The following SLC39A4 variants were observed in gnomAD, a reference collection of about 807,000 sequenced individuals.
SLC39A4 encodes zinc transporter ZIP4.
SLC39A4 carries 49 observed loss-of-function variants against 56.6 expected under a neutral mutation model. The ratio of observed to expected loss-of-function variants is 0.87; its 90% CI spans 0.69 to 1.10. The LOEUF is 1.10. Ranked by LOEUF, SLC39A4 falls within the 50% of genes least tolerant of loss-of-function variation. The pLI is 0.00. For missense variants in SLC39A4, 993 were observed against 864.2 expected, an observed-to-expected ratio of 1.15 and a Z score of -1.87; for synonymous variants, 540 against 420.4, an observed-to-expected ratio of 1.28 and a Z score of -3.48.
At position 144,414,425 on chromosome 8, in the gene SLC39A4, T is replaced by C. The variant is rs781937891; in HGVS notation, c.986A>G (p.Tyr329Cys). ...DQLSQSERYL[Y>C]GSLATLLICL... ...GATGAGCAGCGTGGCCAGGGAGCCG[T>C]ACAGATACCCTGGGGGCGGGTGAGG... The change falls in exon 6 of 12, where the codon TAC becomes TGC. Residue 329 changes from tyrosine to cysteine, a missense_variant. By Grantham distance (194) the Tyr-to-Cys change is radical. Transcript: ENST00000301305. 10 of 1,557,796 alleles carry C rather than the reference T, an allele frequency of 6.4e-6. No individual in the cohort carries two copies. The East Asian group carries it at 9.5e-5, about 15-fold the overall frequency.
chr8:144,415,182 G>A, intron 3 of SLC39A4, 45 bp downstream of exon 3: 1 of 1,612,650 alleles, frequency 6.2e-7, no homozygotes, highest in Non-Finnish European at 8.5e-7. Flanking sequence ...CGTGGAGGCT[G>A]GGGACTCGGG....
intron 5 of SLC39A4, 79 bp from the exon 6 acceptor site, chr8:144,414,513 G>C (rs1822081203): frequency 6.5e-7 from 1 of 1,542,574 alleles, no homozygotes; most frequent in South Asian, 1.2e-5. Flanking sequence ...CACCAGAGCT[G>C]CAGGCCGTCA....
intron 10 of SLC39A4, 62 bp from the exon 11 acceptor site, chr8:144,413,008 T>C: frequency 6.5e-7 from 1 of 1,529,230 alleles, no homozygotes; most frequent in Admixed American, 2.0e-5. Flanking sequence ...CCACCTCCTT[T>C]CGGTCCCGCC....
chr8:144,413,647 G>A, intron 8 of SLC39A4, 80 bp from the exon 9 acceptor site: 2 of 1,545,436 alleles, frequency 1.3e-6, no homozygotes, highest in South Asian at 2.4e-5. Context: ...AGATCACCGC[G>A]GGAGGCGGAG....
Position 144,413,806 on chromosome 8 carries a change from C to T in SLC39A4, c.1363G>A (p.Ala455Thr). Residue 455 changes from alanine to threonine, a missense_variant, in exon 8 of 12, where the codon GCA becomes ACA. Physicochemically the swap from Ala to Thr is moderately conservative, Grantham distance 58. Transcript: ENST00000301305. ...GHSHGVSLQLAPSELRQPKPP... is the reference protein window; with the variant it reads ...GHSHGVSLQLTPSELRQPKPP... Reference sequence around the variant, plus strand: ...TTGGGCTGCCGGAGCTCGCTGGGTGCCAGCTGCAGGGACACACCGTGGCTG... The same window carrying T: ...TTGGGCTGCCGGAGCTCGCTGGGTGTCAGCTGCAGGGACACACCGTGGCTG... The T allele has an allele frequency of 6.4e-7, 1 of 1,569,638 alleles. No individual in the cohort carries two copies.
chr8:144,414,445 G>A lies in SLC39A4; in HGVS notation c.977-11C>T. ...AGCCGTACAGATACCCTGGGGGCGG[G>A]TGAGGCGGCTGTGAGAGCTTTTCTT... On this transcript the variant is annotated splice_polypyrimidine_tract_variant and intron_variant, in intron 5 of 11. Coordinates refer to ENST00000301305, the MANE Select transcript of SLC39A4 (RefSeq NM_130849.4). 1 of 1,551,792 alleles carries A rather than the reference G, an allele frequency of 6.4e-7. No individual in the cohort carries two copies. Among genetic ancestry groups the A allele is most frequent in the Admixed American group, 2.0e-5 (1 of 51,030 alleles).
Position 144,415,849 on chromosome 8 carries a change from C to G in SLC39A4, c.435G>C (p.Gln145His), listed in dbSNP as rs782216965. The change falls in exon 2 of 12, where the codon CAG (glutamine) becomes CAC (histidine). Residue 145 changes from glutamine to histidine, a missense_variant. By Grantham distance (24) the Gln-to-His change is conservative. Transcript: ENST00000301305. ...ALTPGLSWLL[Q>H]RMQARAAGQT... ...GGCCGGCAGCCCGGGCCTGCATCCTCTGCAGCAGCCAGCTCAGGCCCGGGG... is the reference window on the plus strand; with the variant it reads ...GGCCGGCAGCCCGGGCCTGCATCCTGTGCAGCAGCCAGCTCAGGCCCGGGG... 64 of 1,597,756 alleles carry G rather than the reference C, an allele frequency of 4.0e-5. 1 individual carries two copies. In the East Asian group the frequency reaches 9.0e-4, roughly 22 times the overall value.
In SLC39A4 at chr8:144,415,795, T is replaced by C. The variant is rs1268574205; in HGVS notation, c.474+15A>G. The stretch of plus-strand genomic sequence containing the variant: ...TCCTCACCCACTCCCCTGGTCTGCC[T>C]GGACTCTCCCTCACCATCTTGGGGG... On this transcript the variant is annotated intron_variant, in intron 2 of 11. Transcript: ENST00000301305. 3.1e-6 allele frequency: 5 copies of C among 1,590,552 alleles called. No homozygotes were observed. The highest frequency in any genetic ancestry group is 4.3e-6 in the Non-Finnish European group (5 of 1,174,406).
chr8:144,412,925 T>G lies in SLC39A4; in HGVS notation c.1649A>C (p.His550Pro). Residue 550 changes from histidine (H) to proline (P), a missense_variant, in exon 11 of 12, where the codon CAC (histidine) becomes CCC (proline). Physicochemically the swap from His to Pro is moderately conservative, Grantham distance 77. Coordinates refer to ENST00000301305, the MANE Select transcript of SLC39A4 (RefSeq NM_130849.4). ...TGCTTGGCGCACGGACAGCCCCGCG[T>G]GCAGCAAGGCGGCGAAGTCCCCTGC... ...HELGDFAALL[H>P]AGLSVRQALL... The G allele has an allele frequency of 6.2e-7, 1 of 1,605,638 alleles. No individual in the cohort carries two copies. Among genetic ancestry groups the G allele is most frequent in the Admixed American group, 1.7e-5 (1 of 59,704 alleles).
At chr8:144,415,732 C>G (rs1822151955) in intron 2 of SLC39A4, 78 bp downstream of exon 2, 5 of 1,468,828 alleles carry the variant, frequency 3.4e-6, no homozygotes, top group Non-Finnish European at 4.5e-6. Flanking sequence ...TCCCCGAAGG[C>G]TTTGCAGCCA....
At chr8:144,415,600 G>C (rs916824644) in intron 2 of SLC39A4, among the ~76,000 whole-genome samples, 181 bp from the exon 3 acceptor site, 7 of 152,148 alleles carry the variant, frequency 4.6e-5, no homozygotes, top group Non-Finnish European at 8.8e-5. Context: ...AGGCCTCTGG[G>C]TTCCTCCCTC....
chr8:144,412,451 GGGCCT>G lies in SLC39A4; in HGVS notation c.*82_*86del. On this transcript the variant is annotated 3_prime_UTR_variant, in exon 12 of 12. Coordinates refer to ENST00000301305, the MANE Select transcript of SLC39A4 (RefSeq NM_130849.4). ...AGTGTCTTTACTGGAGTTGGGACTG[GGGCCT>G]CTATAGGGGCTTCTGGTTTCTGGGC... 1 of 1,604,850 alleles carries G rather than the reference GGGCCT, an allele frequency of 6.2e-7. No individual in the cohort carries two copies. Among genetic ancestry groups the G allele is most frequent in the Non-Finnish European group, 8.5e-7 (1 of 1,172,986 alleles).
In SLC39A4 at chr8:144,414,956, C is replaced by G. The variant is rs1822104579; in HGVS notation, c.804+18G>C. 1 of 1,612,856 alleles carries G rather than the reference C, an allele frequency of 6.2e-7. No individual in the cohort carries two copies. The highest frequency in any genetic ancestry group is 1.1e-5 in the South Asian group (1 of 91,088). ...CAGACCCCGGTGAGGCCCCATCTTA[C>G]CCCAGGGCGCAGCTCACCGTGTCCC... On this transcript the variant is annotated intron_variant, in intron 4 of 11. Coordinates refer to ENST00000301305, the MANE Select transcript of SLC39A4 (RefSeq NM_130849.4).
rs1454890665 is a variant in SLC39A4 at position 144,414,999 on chromosome 8, C to A, written c.779G>T (p.Ser260Ile). ...CGTGTCCCACACACTGGAGCTGTTGCTGGAGCTGATGAGGGGCACAGGGTC... is the reference window on the plus strand; with the variant it reads ...CGTGTCCCACACACTGGAGCTGTTGATGGAGCTGATGAGGGGCACAGGGTC... ...SRDPVPLISS[S>I]NSSSVWDTVC... The change falls in exon 4 of 12, where the codon AGC becomes ATC. Residue 260 changes from serine to isoleucine, a missense_variant. Physicochemically the swap from Ser to Ile is moderately radical, Grantham distance 142 (BLOSUM62 -2). Coordinates refer to ENST00000301305, the MANE Select transcript of SLC39A4 (RefSeq NM_130849.4). 1 of 1,612,388 alleles carries A rather than the reference C, an allele frequency of 6.2e-7. No individual in the cohort carries two copies. Among genetic ancestry groups the A allele is most frequent in the Non-Finnish European group, 8.5e-7 (1 of 1,179,964 alleles).
At chr8:144,416,567 G>A (rs782038140) in intron 1 of SLC39A4, 31 bp downstream of exon 1, 5 of 1,552,676 alleles carry the variant, frequency 3.2e-6, no homozygotes, top group South Asian at 1.2e-5. Flanking sequence ...AAGAGGCCAG[G>A]GCTGGGGGAC....
Position 144,413,843 on chromosome 8 carries a change from G to A in SLC39A4, c.1326C>T (p.Ser442=). 6.3e-7 allele frequency: 1 copy of A among 1,597,108 alleles called. No homozygotes were observed. Among genetic ancestry groups the A allele is most frequent in the African/African-American group, 1.3e-5 (1 of 74,912 alleles). ...ACACACCGTGGCTGTGGCCCCCGTG[G>A]CTATGGCTGCTGTGGCCGCAGGGCC... ...EDGPCGHSSH[S]HGGHSHGVSL... The change falls in exon 8 of 12, where the codon AGC becomes AGT. Residue 442 remains serine, a synonymous_variant. Transcript: ENST00000301305.
At position 144,414,363 on chromosome 8, in the gene SLC39A4, A is replaced by G; in HGVS notation, c.1048T>C (p.Cys350Arg). The G allele has an allele frequency of 5.0e-6, 8 of 1,587,834 alleles. No individual in the cohort carries two copies. Among genetic ancestry groups the G allele is most frequent in the Non-Finnish European group, 6.8e-6 (8 of 1,168,680 alleles). Reference sequence around the variant, plus strand: ...TGGGTGACCCCCCTGCAGCCAGTGCAGGTCAGCAGCAGGAGGCCAAAGACC... The same window carrying G: ...TGGGTGACCCCCCTGCAGCCAGTGCGGGTCAGCAGCAGGAGGCCAAAGACC... ...CAVFGLLLLT[C>R]TGCRGVTHYI... The change falls in exon 6 of 12, where the codon TGC becomes CGC. Residue 350 changes from cysteine (C) to arginine (R), a missense_variant. Transcript: ENST00000301305.
At chr8:144,413,022 T>C in intron 10 of SLC39A4, 76 bp from the exon 11 acceptor site, 1 of 1,494,450 alleles carries the variant, frequency 6.7e-7, no homozygotes, top group East Asian at 2.5e-5. Context: ...TCCCGCCCTC[T>C]TACCACCAGG....
chr8:144,415,136 C>T lies in SLC39A4; in HGVS notation c.668-26G>A, dbSNP rs374182898. The T allele has an allele frequency of 1.7e-5, 27 of 1,612,480 alleles. No homozygotes were observed. The African/African-American group carries it at 2.7e-4, about 16-fold the overall frequency. On this transcript the variant is annotated intron_variant, in intron 3 of 11. Transcript: ENST00000301305. Reference sequence around the variant, plus strand: ...CTGGCAGGGAGAAGAGTTGGCACCGCGAGTCTGTGTGGGCTCCGGCCCTGC... The same window carrying T: ...CTGGCAGGGAGAAGAGTTGGCACCGTGAGTCTGTGTGGGCTCCGGCCCTGC...
Sources: allele counts gnomAD v4.1 joint callset (sites outside exome capture counted in the v4.1 genomes callset), GRCh38; gene constraint gnomAD v4.1.1; transcripts MANE v1.5; gene names NCBI Gene and HGNC (gene_info 2026-07-23, HGNC 2026-07-21).